Variants in LOXHD1 observed in about 807,000 individuals in gnomAD.
LOXHD1 encodes the protein lipoxygenase homology domain-containing protein 1.
Under a neutral mutation model 248.2 loss-of-function variants are expected in LOXHD1, and 205 were observed. That is an observed-to-expected ratio of 0.83 (90% CI 0.74 to 0.93). The LOEUF (loss-of-function observed/expected upper bound fraction) is 0.93. Ranked by LOEUF, LOXHD1 falls within the 40% of genes least tolerant of loss-of-function variation. The pLI, the probability that LOXHD1 is intolerant of heterozygous loss-of-function variation, is 0.00. For synonymous variants in LOXHD1, 1,113 were observed against 1,162.8 expected (o/e 0.96, Z 0.87); for missense variants, 2,930 against 2,971.6 (o/e 0.99, Z 0.33).
chr18:46,509,664 G>T, intron 35 of LOXHD1, 34 bp downstream of exon 35: 1 of 1,463,122 alleles, frequency 6.8e-7, no homozygotes, highest in Non-Finnish European at 9.4e-7. Context: ...GTGGGTGGTG[G>T]CTGGAAGGAA....
chr18:46,624,864 ACTTTT>A (rs1182264629), intron 4 of LOXHD1, among the ~76,000 whole-genome samples: 1 of 152,050 alleles, frequency 6.6e-6, no homozygotes, highest in East Asian at 1.9e-4. Flanking sequence ...TAGAACTGGA[ACTTTT>A]CTCCCTAGAA....
At chr18:46,628,182 A>C (rs190379065) in intron 4 of LOXHD1, among the ~76,000 whole-genome samples, 2 of 152,334 alleles carry the variant, frequency 1.3e-5, no homozygotes, top group East Asian at 3.9e-4. Flanking sequence ...GAAATGGAGG[A>C]AGAGTAGATA....
chr18:46,638,007 A>T (rs1383879515), intron 4 of LOXHD1, among the ~76,000 whole-genome samples: 1 of 152,204 alleles, frequency 6.6e-6, no homozygotes, highest in Non-Finnish European at 1.5e-5. Flanking sequence ...AGCACAGTAC[A>T]AATGTCCAAT....
intron 13 of LOXHD1, among the ~76,000 whole-genome samples, 178 bp downstream of exon 13, chr18:46,579,452 C>T (rs1364156688): frequency 4.6e-5 from 7 of 152,158 alleles, no homozygotes; most frequent in South Asian, 2.1e-4. Flanking sequence ...TTGCTGTGCC[C>T]TCCCAGTGGC....
intron 6 of LOXHD1, among the ~76,000 whole-genome samples, chr18:46,606,595 T>C (rs1403996398): frequency 6.6e-6 from 1 of 152,174 alleles, no homozygotes; most frequent in Non-Finnish European, 1.5e-5. Context: ...AAATTTCATG[T>C]TTAGACTTGG....
At chr18:46,649,072 A>G in intron 2 of LOXHD1, 83 bp downstream of exon 2, 1 of 1,135,672 alleles carries the variant, frequency 8.8e-7, no homozygotes, top group Non-Finnish European at 1.3e-6. Context: ...TTCTCCCCAG[A>G]GAAGCAGGCC....
intron 33 of LOXHD1, among the ~76,000 whole-genome samples, chr18:46,519,433 A>C (rs187022354): frequency 4.0e-4 from 61 of 152,328 alleles, no homozygotes; most frequent in African/African-American, 1.4e-3. Flanking sequence ...GGCAGCATCT[A>C]GAATCTCTGC....
In LOXHD1 at chr18:46,559,494, C is replaced by T. The variant is rs1275821062; in HGVS notation, c.3170G>A (p.Arg1057Gln). 11 of 1,551,846 alleles carry T rather than the reference C, an allele frequency of 7.1e-6. No homozygotes were observed. The Admixed American group carries it at 9.8e-5, about 14-fold the overall frequency. ...YGEEYGDTGE[R>Q]PLKKSDKSNK... ...GGACTTGTCTGACTTCTTCAGGGGTCGTTCGCCCGTGTCTCCATACTCCTC... is the reference window on the plus strand; with the variant it reads ...GGACTTGTCTGACTTCTTCAGGGGTTGTTCGCCCGTGTCTCCATACTCCTC... Residue 1057 changes from arginine (R) to glutamine (Q), a missense_variant, in exon 20 of 41, where the codon CGA (arginine) becomes CAA (glutamine). By Grantham distance (43) the Arg-to-Gln change is conservative. Transcript: ENST00000642948.
At chr18:46,572,427 G>A (rs539577830) in intron 14 of LOXHD1, among the ~76,000 whole-genome samples, 2 of 152,284 alleles carry the variant, frequency 1.3e-5, no homozygotes, top group South Asian at 4.1e-4. Flanking sequence ...GTCTTGGGAA[G>A]GAGACCAGGA....
intron 6 of LOXHD1, among the ~76,000 whole-genome samples, chr18:46,604,762 C>T (rs1304861479): frequency 3.9e-5 from 6 of 152,198 alleles, no homozygotes; most frequent in Non-Finnish European, 8.8e-5. Context: ...CTCAGGGACT[C>T]CCATGCGAGC....
intron 37 of LOXHD1, among the ~76,000 whole-genome samples, chr18:46,495,096 C>T (rs2033770511): frequency 6.6e-6 from 1 of 152,054 alleles, no homozygotes; most frequent in South Asian, 2.1e-4. Context: ...CCTCGTGATC[C>T]ACCAGCCTCG....
chr18:46,519,994 G>C (rs1392823705), intron 33 of LOXHD1, among the ~76,000 whole-genome samples: 2 of 152,190 alleles, frequency 1.3e-5, no homozygotes, highest in Non-Finnish European at 2.9e-5. Flanking sequence ...GCACTGCGTG[G>C]GGTGTGCATG....
intron 18 of LOXHD1, among the ~76,000 whole-genome samples, chr18:46,562,572 G>A (rs1422987941): frequency 6.6e-6 from 1 of 152,106 alleles, no homozygotes; most frequent in Non-Finnish European, 1.5e-5. Context: ...CAGTGTCTTG[G>A]CTGGGAAGCA....
At chr18:46,559,669 G>A (rs2144005159) in intron 19 of LOXHD1, 67 bp from the exon 20 acceptor site, 1 of 1,500,040 alleles carries the variant, frequency 6.7e-7, no homozygotes, top group Non-Finnish European at 9.0e-7. Context: ...CTGAGGCACA[G>A]CCTCTCAGAT....
chr18:46,622,807 C>T (rs2038687010), intron 4 of LOXHD1, among the ~76,000 whole-genome samples: 1 of 152,190 alleles, frequency 6.6e-6, no homozygotes, highest in Non-Finnish European at 1.5e-5. Flanking sequence ...GAAGAGGCGG[C>T]GTGGTCTGGG....
At chr18:46,519,368 T>A (rs868377818) in intron 33 of LOXHD1, among the ~76,000 whole-genome samples, 5 of 152,174 alleles carry the variant, frequency 3.3e-5, no homozygotes, top group Non-Finnish European at 5.9e-5. Context: ...CCGGAGCTAT[T>A]AATCACAGCG....
chr18:46,575,131 C>A (rs1369000190), intron 14 of LOXHD1, among the ~76,000 whole-genome samples: 1 of 152,246 alleles, frequency 6.6e-6, no homozygotes, highest in African/African-American at 2.4e-5. Context: ...CAGAGTCCAA[C>A]CTCGTCCCCA....
At chr18:46,584,965 CATT>C (rs2038032455) in intron 12 of LOXHD1, among the ~76,000 whole-genome samples, 1 of 152,060 alleles carries the variant, frequency 6.6e-6, no homozygotes, top group Admixed American at 6.6e-5. Flanking sequence ...GCAAAAATCA[CATT>C]ATTATCTCAA....
chr18:46,544,420 C>T (rs1265871147), intron 23 of LOXHD1, among the ~76,000 whole-genome samples: 5 of 152,294 alleles, frequency 3.3e-5, no homozygotes, highest in African/African-American at 9.6e-5. Context: ...CGATTAATTT[C>T]TTTGATCATG....
Sources: gnomAD v4.1 joint callset for allele counts (sites outside exome capture counted in the v4.1 genomes callset) on GRCh38, gnomAD v4.1.1 for gene constraint, MANE v1.5 for transcripts, NCBI Gene and HGNC (gene_info 2026-07-23, HGNC 2026-07-21) for gene names.